SOS2: variants seen among roughly 807,000 people sequenced by gnomAD.
SOS2 encodes the protein SOS Ras/Rho guanine nucleotide exchange factor 2.
In SOS2, 65 loss-of-function variants were observed where a neutral mutation model predicts 148.2. The observed-to-expected ratio is 0.44, with a 90% CI of 0.36 to 0.54. SOS2 has a LOEUF of 0.54. Among genes scored for constraint, SOS2 ranks in the 20% least tolerant of loss-of-function variants. The pLI, the probability that SOS2 is intolerant of heterozygous loss-of-function variation, is 0.00. For missense variants in SOS2, 1,341 were observed against 1,590.2 expected, an observed-to-expected ratio of 0.84 and a Z score of 2.67; for synonymous variants, 539 against 537.1, an observed-to-expected ratio of 1.00 and a Z score of -0.05.
At chr14:50,157,972 G>T (rs72681845) in intron 11 of SOS2, among the ~76,000 whole-genome samples, 4,673 of 152,122 alleles carry the variant, frequency 0.031, 95 homozygotes, top group Non-Finnish European at 0.05. Context: ...TATTAAAAAT[G>T]ATCCCGTATT....
At chr14:50,130,119 C>T in intron 20 of SOS2, 117 bp from the exon 21 acceptor site, 2 of 651,928 alleles carry the variant, frequency 3.1e-6, no homozygotes, top group Non-Finnish European at 5.2e-6. Context: ...CATCTTTTGC[C>T]ATGTTAGTTT....
chr14:50,206,329 AGT>A (rs960715086), intron 1 of SOS2, among the ~76,000 whole-genome samples: 2 of 152,232 alleles, frequency 1.3e-5, no homozygotes, highest in African/African-American at 2.4e-5. Flanking sequence ...GTCATCCTTC[AGT>A]GTCTGTGGGA....
chr14:50,175,943 C>A (rs1285334829), intron 7 of SOS2, among the ~76,000 whole-genome samples: 2 of 152,162 alleles, frequency 1.3e-5, no homozygotes, highest in Non-Finnish European at 2.9e-5. Flanking sequence ...AAAAGTGCCA[C>A]CAATTTTCCT....
chr14:50,185,917 C>T (rs1004874733), intron 5 of SOS2, among the ~76,000 whole-genome samples: 1 of 152,040 alleles, frequency 6.6e-6, no homozygotes, highest in Non-Finnish European at 1.5e-5. Flanking sequence ...GAAACAGAGG[C>T]ATAGAGCAGT....
intron 8 of SOS2, among the ~76,000 whole-genome samples, chr14:50,166,493 T>C (rs1382407299): frequency 6.6e-6 from 1 of 152,166 alleles, no homozygotes; most frequent in Non-Finnish European, 1.5e-5. Context: ...CCTCCTAAAG[T>C]GCTAGGATTA....
intron 8 of SOS2, among the ~76,000 whole-genome samples, chr14:50,168,430 C>T (rs956139176): frequency 6.6e-6 from 1 of 152,156 alleles, no homozygotes; most frequent in African/African-American, 2.4e-5. Context: ...CTATATTGCC[C>T]AGGCTGGTCT....
chr14:50,144,144 T>A (rs1023691840), intron 16 of SOS2, among the ~76,000 whole-genome samples: 1 of 152,084 alleles, frequency 6.6e-6, no homozygotes, highest in African/African-American at 2.4e-5. Flanking sequence ...TATTCCATGA[T>A]AAATTATCAC....
At chr14:50,223,448 G>A (rs904087899) in intron 1 of SOS2, among the ~76,000 whole-genome samples, 5 of 152,118 alleles carry the variant, frequency 3.3e-5, no homozygotes, top group Admixed American at 3.3e-4. Context: ...GCCGGGGCGG[G>A]CAGGTGACGA....
intron 21 of SOS2, among the ~76,000 whole-genome samples, chr14:50,129,234 G>T (rs1883786618): frequency 6.6e-6 from 1 of 152,128 alleles, no homozygotes; most frequent in Non-Finnish European, 1.5e-5. Flanking sequence ...ATAAGTGACT[G>T]AGGATATCCC....
At chr14:50,216,271 A>G (rs1258078377) in intron 1 of SOS2, among the ~76,000 whole-genome samples, 1 of 151,230 alleles carries the variant, frequency 6.6e-6, no homozygotes, top group Non-Finnish European at 1.5e-5. Flanking sequence ...TAATTTTGGT[A>G]TTTTCAGTAG....
intron 1 of SOS2, among the ~76,000 whole-genome samples, chr14:50,211,600 ATTTT>A (rs1279300886): frequency 0.02 from 2,020 of 100,350 alleles, 40 homozygotes; most frequent in African/African-American, 0.076. Context: ...AATTTTATTT[ATTTT>A]TTAATTAATT....
At position 50,120,388 on chromosome 14, in the gene SOS2, G is replaced by A. The variant is rs1883463061; in HGVS notation, c.3380-4C>T. On this transcript the variant is annotated splice_polypyrimidine_tract_variant and splice_region_variant and intron_variant, in intron 21 of 22. Coordinates refer to ENST00000216373, the MANE Select transcript of SOS2 (RefSeq NM_006939.4). ...CCACATGAACTAAAGAAAGACTCTG[G>A]GGGAGAAAAAGACTAGTTTAACCAC... 1 of 1,440,716 alleles carries A rather than the reference G, an allele frequency of 6.9e-7. No homozygotes were observed. Among genetic ancestry groups the A allele is most frequent in the South Asian group, 1.2e-5 (1 of 85,330 alleles). 89.2% of individuals were successfully genotyped at this position (1,440,716 alleles called of 1,614,324 possible). A position where few individuals can be genotyped will look rare whatever the true frequency, so the allele number is the denominator to read the frequency against.
chr14:50,191,015 G>GT (rs1390572635), intron 4 of SOS2, among the ~76,000 whole-genome samples: 1 of 152,080 alleles, frequency 6.6e-6, no homozygotes, highest in Non-Finnish European at 1.5e-5. Flanking sequence ...CTTGCTAGCT[G>GT]TAACTTCTTG....
intron 12 of SOS2, among the ~76,000 whole-genome samples, chr14:50,154,909 CTT>C (rs2139610229): frequency 6.6e-6 from 1 of 152,214 alleles, no homozygotes; most frequent in South Asian, 2.1e-4. Context: ...CAAAAGTACA[CTT>C]AAGATGTGTG....
chr14:50,201,131 T>G, intron 2 of SOS2, 47 bp from the exon 3 acceptor site: 1 of 1,573,860 alleles, frequency 6.4e-7, no homozygotes, highest in Non-Finnish European at 8.7e-7. Flanking sequence ...AAAGTGTTCA[T>G]AAATAGGAAA....
intron 1 of SOS2, among the ~76,000 whole-genome samples, chr14:50,218,747 A>T (rs964825295): frequency 6.6e-6 from 1 of 152,198 alleles, no homozygotes; most frequent in Non-Finnish European, 1.5e-5. Flanking sequence ...TGGCAGGAGG[A>T]ACAGGATCTC....
intron 1 of SOS2, chr14:50,215,449 C>G (rs1475685301): frequency 1.6e-5 from 20 of 1,264,560 alleles, no homozygotes; most frequent in Non-Finnish European, 1.9e-5. Flanking sequence ...AGACAGTAAA[C>G]ATAAAATTAC....
intron 8 of SOS2, among the ~76,000 whole-genome samples, chr14:50,169,441 G>A (rs1342446039): frequency 6.6e-6 from 1 of 152,082 alleles, no homozygotes; most frequent in African/African-American, 2.4e-5. Flanking sequence ...TTTGAGACCA[G>A]CCTGGCCAAC....
rs1388854755 is a variant in SOS2, at chr14:50,159,536, T to C, written c.1747A>G (p.Asn583Asp). ...YRFVVKDSEENIVFEDNLQSR... is the reference protein window; with the variant it reads ...YRFVVKDSEEDIVFEDNLQSR... Reference sequence around the variant, plus strand: ...TGCAAGTTGTCTTCAAAAACAATGTTTTCCTCAGAGTCTTTTACTACAAAA... The same window carrying C: ...TGCAAGTTGTCTTCAAAAACAATGTCTTCCTCAGAGTCTTTTACTACAAAA... The change falls in exon 10 of 23, where the codon AAC becomes GAC. Residue 583 changes from asparagine (N) to aspartate (D), a missense_variant. Asn to Asp is a conservative substitution (Grantham distance 23). Transcript: ENST00000216373. 2.7e-5 allele frequency: 44 copies of C among 1,613,806 alleles called. No individual in the cohort carries two copies. The highest frequency in any genetic ancestry group is 3.5e-5 in the Non-Finnish European group (41 of 1,179,724).
Sources: allele counts gnomAD v4.1 joint callset (sites outside exome capture counted in the v4.1 genomes callset), GRCh38; gene constraint gnomAD v4.1.1; transcripts MANE v1.5; gene names NCBI Gene and HGNC (gene_info 2026-07-23, HGNC 2026-07-21).